ZNF486: variants seen among roughly 807,000 people sequenced by gnomAD.
ZNF486 encodes KRAB box only protein 2.
A neutral mutation model predicts 12.8 loss-of-function variants in ZNF486; 12 were observed. The ratio of observed to expected loss-of-function variants is 0.94; its 90% confidence interval spans 0.60 to 1.52. The LOEUF (loss-of-function observed/expected upper bound fraction) is 1.52. Among genes scored for constraint, ZNF486 ranks in the 40% most tolerant of loss-of-function variants. The probability of loss-of-function intolerance (pLI) is 0.00; values close to 1 mark genes in which losing one functional copy is unlikely to be tolerated. For missense variants in ZNF486, 738 were observed against 545.0 expected (o/e 1.35, Z -3.53); for synonymous variants, 231 against 184.9 (o/e 1.25, Z -2.02).
intron 1 of ZNF486, among the ~76,000 whole-genome samples, chr19:20,183,674 T>A (rs542428241): frequency 1.4e-5 from 2 of 143,580 alleles, no homozygotes; most frequent in East Asian, 4.1e-4. Flanking sequence ...TTTTTCACTA[T>A]AGAGATAATT....
rs1555718092 is a variant in ZNF486, at chr19:20,197,025, A to C, written c.315A>C (p.Gln105His). 2 of 1,606,874 alleles carry C rather than the reference A, an allele frequency of 1.2e-6. No individual in the cohort carries two copies. The highest frequency in any genetic ancestry group is 1.7e-6 in the Non-Finnish European group (2 of 1,178,084). ...AGCAGAGCATAAAAGATTCTTACCAAAAAGTGATACTGAGAAAATTTGAAA... is the reference window on the plus strand; with the variant it reads ...AGCAGAGCATAAAAGATTCTTACCACAAAGTGATACTGAGAAAATTTGAAA... ...WPEQSIKDSYQKVILRKFEKC... is the reference protein window; with the variant it reads ...WPEQSIKDSYHKVILRKFEKC... The change falls in exon 4 of 4, where the codon CAA becomes CAC. Residue 105 changes from glutamine (Q) to histidine (H), a missense_variant. Physicochemically the swap from Gln to His is conservative, Grantham distance 24. Coordinates refer to ENST00000335117, the MANE Select transcript of ZNF486 (RefSeq NM_052852.4).
At chr19:20,173,085 A>T (rs183262741) in intron 1 of ZNF486, among the ~76,000 whole-genome samples, 1 of 152,212 alleles carries the variant, frequency 6.6e-6, no homozygotes, top group East Asian at 1.9e-4. Flanking sequence ...TCATTTGTCA[A>T]TTTTTGCTTT....
chr19:20,172,117 C>T (rs1221777842), intron 1 of ZNF486, among the ~76,000 whole-genome samples: 2 of 152,092 alleles, frequency 1.3e-5, no homozygotes, highest in Non-Finnish European at 2.9e-5. Context: ...GATTCTCCTG[C>T]CTCAGCCTCC....
chr19:20,196,079 C>G (rs140215787), intron 3 of ZNF486, among the ~76,000 whole-genome samples: 1 of 152,308 alleles, frequency 6.6e-6, no homozygotes, highest in African/African-American at 2.4e-5. Context: ...AGTGCAGTGG[C>G]ATGATCTTGG....
At chr19:20,170,384 G>A (rs903881741) in intron 1 of ZNF486, among the ~76,000 whole-genome samples, 1 of 151,804 alleles carries the variant, frequency 6.6e-6, no homozygotes, top group Admixed American at 6.6e-5. Flanking sequence ...TGGCCAACAC[G>A]GTGAAAACAT....
At chr19:20,177,968 G>A (rs1202120227) in intron 1 of ZNF486, among the ~76,000 whole-genome samples, 3 of 148,338 alleles carry the variant, frequency 2.0e-5, no homozygotes, top group African/African-American at 7.6e-5. Context: ...TCATCCCCCA[G>A]GCTGGAGTGT....
chr19:20,181,212 T>A (rs1555715492), intron 1 of ZNF486, among the ~76,000 whole-genome samples: 1 of 152,148 alleles, frequency 6.6e-6, no homozygotes, highest in African/African-American at 2.4e-5. Flanking sequence ...CTAGAGCTGG[T>A]GCTCACAATT....
At chr19:20,172,010 G>A (rs1187451923) in intron 1 of ZNF486, among the ~76,000 whole-genome samples, 1 of 139,556 alleles carries the variant, frequency 7.2e-6, no homozygotes, top group Non-Finnish European at 1.6e-5. Context: ...CTTTCATTTT[G>A]TTTTGTCTTT....
chr19:20,178,168 T>A (rs1478892853), intron 1 of ZNF486, among the ~76,000 whole-genome samples: 7 of 151,992 alleles, frequency 4.6e-5, no homozygotes, highest in Non-Finnish European at 5.9e-5. Flanking sequence ...CCTCAGGTGA[T>A]CCACCCGCCT....
Position 20,174,057 on chromosome 19 carries a change from GAC to G in ZNF486, c.30+6701_30+6702del, listed in dbSNP as rs1357894995. On this transcript the variant is annotated intron_variant, in intron 1 of 3. Coordinates refer to ENST00000335117, the MANE Select transcript of ZNF486 (RefSeq NM_052852.4). ...TTTTTAATTTTTAGTCCTTTAAATA[GAC>G]ACAGATTTATTTAGATAAAAGCTAA... Among the ~76,000 whole-genome samples, 5 of 152,134 alleles carry G rather than the reference GAC, an allele frequency of 3.3e-5. No individual in the cohort carries two copies. In the East Asian group the frequency reaches 7.7e-4, roughly 23 times the overall value.
intron 1 of ZNF486, among the ~76,000 whole-genome samples, chr19:20,177,809 C>T (rs917079950): frequency 3.6e-4 from 55 of 152,118 alleles, no homozygotes; most frequent in Non-Finnish European, 7.2e-4. Flanking sequence ...CTCTTGACCT[C>T]AGGTGATCCA....
At chr19:20,170,189 G>A (rs992343588) in intron 1 of ZNF486, among the ~76,000 whole-genome samples, 1 of 151,210 alleles carries the variant, frequency 6.6e-6, no homozygotes, top group Non-Finnish European at 1.5e-5. Flanking sequence ...GAGCCACCGC[G>A]CCCGGCCAAA....
At chr19:20,178,080 G>T (rs2089742431) in intron 1 of ZNF486, among the ~76,000 whole-genome samples, 1 of 145,408 alleles carries the variant, frequency 6.9e-6, no homozygotes, top group Admixed American at 7.1e-5. Context: ...CCTGCCACCA[G>T]GCCCGGCTAA....
At chr19:20,175,331 ATTTTTTT>A (rs782300626) in intron 1 of ZNF486, 6 of 119,888 alleles carry the variant, frequency 5.0e-5, no homozygotes, top group African/African-American at 2.0e-4. Flanking sequence ...AGCCCTATTA[ATTTTTTT>A]TTTTTTTTTT....
At chr19:20,169,329 T>C (rs1320119954) in intron 1 of ZNF486, among the ~76,000 whole-genome samples, 1 of 152,138 alleles carries the variant, frequency 6.6e-6, no homozygotes, top group African/African-American at 2.4e-5. Context: ...GGCTGGTCTC[T>C]AACTCCCAAC....
At chr19:20,187,991 T>C (rs186165319) in intron 3 of ZNF486, among the ~76,000 whole-genome samples, 136 of 152,214 alleles carry the variant, frequency 8.9e-4, no homozygotes, top group African/African-American at 3.1e-3. Flanking sequence ...TCATTTTATT[T>C]TTGGACAGAC....
intron 1 of ZNF486, among the ~76,000 whole-genome samples, chr19:20,174,719 A>G (rs770091057): frequency 1.3e-5 from 2 of 152,162 alleles, no homozygotes; most frequent in Non-Finnish European, 2.9e-5. Flanking sequence ...AAGCCACAAT[A>G]CTTACTTTGA....
At chr19:20,190,839 C>G (rs1409105735) in intron 3 of ZNF486, among the ~76,000 whole-genome samples, 1 of 152,156 alleles carries the variant, frequency 6.6e-6, no homozygotes, top group African/African-American at 2.4e-5. Flanking sequence ...TGTTCATGTT[C>G]TCCAGACCTC....
Position 20,197,263 on chromosome 19 carries a change from A to G in ZNF486, c.553A>G (p.Ile185Val). The G allele has an allele frequency of 1.2e-6, 2 of 1,611,378 alleles. No individual in the cohort carries two copies. The highest frequency in any genetic ancestry group is 8.5e-7 in the Non-Finnish European group (1 of 1,179,302). ...RHTEKKPLKY[I>V]EGDKAFNQSS... ...TACTGAAAAAAAACCTTTGAAATATATAGAAGGTGACAAAGCTTTTAACCA... is the reference window on the plus strand; with the variant it reads ...TACTGAAAAAAAACCTTTGAAATATGTAGAAGGTGACAAAGCTTTTAACCA... Residue 185 changes from isoleucine (I) to valine (V), a missense_variant, in exon 4 of 4, where the codon ATA (isoleucine) becomes GTA (valine). Coordinates refer to ENST00000335117, the MANE Select transcript of ZNF486 (RefSeq NM_052852.4).
Sources: allele counts gnomAD v4.1 joint callset (sites outside exome capture counted in the v4.1 genomes callset), GRCh38; gene constraint gnomAD v4.1.1; transcripts MANE v1.5; gene names NCBI Gene and HGNC (gene_info 2026-07-23, HGNC 2026-07-21).